Variants in CDH7 observed in about 807,000 individuals in gnomAD.
The protein encoded by CDH7 is cadherin-7.
A neutral mutation model predicts 71.8 loss-of-function variants in CDH7; 25 were observed. The ratio of observed to expected loss-of-function variants is 0.35; its 90% CI spans 0.25 to 0.49. The LOEUF is 0.49. CDH7 is among the 20% of genes least tolerant of loss of function. CDH7 has a pLI of 0.99. For synonymous variants in CDH7, 381 were observed against 363.8 expected (o/e 1.05, Z -0.54); for missense variants, 862 against 974.6 (o/e 0.88, Z 1.54).
rs1911469918 is a variant in CDH7, at chr18:65,809,929, A to G, written c.436A>G (p.Ile146Val). The change falls in exon 3 of 12, where the codon ATC becomes GTC. Residue 146 changes from isoleucine to valine, a missense_variant. Coordinates refer to ENST00000397968, the MANE Select transcript of CDH7 (RefSeq NM_004361.5). ...GGAGTTTGTCATCAAAATTCAGGAT[A>G]TCAACGACAATGAACCCAAATTTTT... Reference protein sequence around the residue: ...ESEFVIKIQDINDNEPKFLDG... With the variant: ...ESEFVIKIQDVNDNEPKFLDG... The G allele has an allele frequency of 3.7e-6, 6 of 1,614,108 alleles. No homozygotes were observed. Among genetic ancestry groups the G allele is most frequent in the Admixed American group, 1.7e-5 (1 of 60,018 alleles).
chr18:65,778,529 C>CTTTT (rs1156727313), intron 2 of CDH7, among the ~76,000 whole-genome samples: 15 of 84,328 alleles, frequency 1.8e-4, no homozygotes, highest in East Asian at 7.1e-4. Flanking sequence ...GCGTCTCACT[C>CTTTT]TTTTTTTTTT....
At position 65,809,773 on chromosome 18, in the gene CDH7, A is replaced by G. The variant is rs758837028; in HGVS notation, c.280A>G (p.Ile94Val). 9 of 1,613,904 alleles carry G rather than the reference A, an allele frequency of 5.6e-6. No individual in the cohort carries two copies. Among genetic ancestry groups the G allele is most frequent in the Non-Finnish European group, 7.6e-6 (9 of 1,179,956 alleles). ...YILSGEGASSIFIIDENTGDI... is the reference protein window; with the variant it reads ...YILSGEGASSVFIIDENTGDI... Reference sequence around the variant, plus strand: ...CTTGTCAGGCGAAGGGGCAAGTTCCATTTTCATTATTGATGAGAACACTGG... The same window carrying G: ...CTTGTCAGGCGAAGGGGCAAGTTCCGTTTTCATTATTGATGAGAACACTGG... Residue 94 changes from isoleucine to valine, a missense_variant, in exon 3 of 12, where the codon ATT becomes GTT. Ile to Val is a conservative substitution (Grantham distance 29, BLOSUM62 3). Coordinates refer to ENST00000397968, the MANE Select transcript of CDH7 (RefSeq NM_004361.5).
At chr18:65,789,830 A>T (rs964676093) in intron 2 of CDH7, among the ~76,000 whole-genome samples, 2 of 152,010 alleles carry the variant, frequency 1.3e-5, no homozygotes, top group East Asian at 3.9e-4. Flanking sequence ...CAGCAAGGGG[A>T]CCTCTCACAT....
rs752130311 is a variant in CDH7, at chr18:65,843,857, G to A, written c.1027G>A (p.Ala343Thr). The change falls in exon 7 of 12, where the codon GCT becomes ACT. Residue 343 changes from alanine to threonine, a missense_variant. Ala to Thr is a moderately conservative substitution (Grantham distance 58). Coordinates refer to ENST00000397968, the MANE Select transcript of CDH7 (RefSeq NM_004361.5). ...AACAAGTTACACGCTACGGATAGAAGCTGCAAATAAAGATGCCGACCCTCG... is the reference window on the plus strand; with the variant it reads ...AACAAGTTACACGCTACGGATAGAAACTGCAAATAAAGATGCCGACCCTCG... Reference protein sequence around the residue: ...AKTSYTLRIEAANKDADPRFL... With the variant: ...AKTSYTLRIETANKDADPRFL... The A allele has an allele frequency of 6.3e-7, 1 of 1,584,334 alleles. No homozygotes were observed. The highest frequency in any genetic ancestry group is 1.1e-5 in the South Asian group (1 of 88,250).
intron 7 of CDH7, among the ~76,000 whole-genome samples, chr18:65,857,387 G>A (rs1913404157): frequency 6.6e-6 from 1 of 150,406 alleles, no homozygotes; most frequent in Non-Finnish European, 1.5e-5. Context: ...GGTGGTGCAT[G>A]CCTCTAGTCC....
chr18:65,850,281 A>C (rs8089669), intron 7 of CDH7, among the ~76,000 whole-genome samples: 79,094 of 150,000 alleles, frequency 0.53, 24,697 homozygotes, highest in East Asian at 0.92. Flanking sequence ...CATGGGGTTA[A>C]AAAGTTAGGG....
intron 2 of CDH7, among the ~76,000 whole-genome samples, chr18:65,771,765 A>G (rs1326489888): frequency 1.3e-5 from 2 of 152,064 alleles, no homozygotes; most frequent in East Asian, 3.9e-4. Flanking sequence ...TGTAGTTCTC[A>G]GGCCAAGAGC....
At chr18:65,856,937 C>A (rs1216302447) in intron 7 of CDH7, among the ~76,000 whole-genome samples, 1 of 150,590 alleles carries the variant, frequency 6.6e-6, no homozygotes, top group East Asian at 2.0e-4. Context: ...CTTTTACATG[C>A]AAAAATAGCC....
At chr18:65,837,424 A>G (rs1211082933) in intron 6 of CDH7, among the ~76,000 whole-genome samples, 2 of 152,114 alleles carry the variant, frequency 1.3e-5, no homozygotes, top group Admixed American at 1.3e-4. Context: ...ATGACAGGGG[A>G]TAGTTTTACA....
At chr18:65,854,944 T>G (rs1363762801) in intron 7 of CDH7, among the ~76,000 whole-genome samples, 1 of 149,100 alleles carries the variant, frequency 6.7e-6, no homozygotes, top group Non-Finnish European at 1.5e-5. Flanking sequence ...CACACACATA[T>G]ATATACACAC....
At chr18:65,850,506 C>G (rs577795729) in intron 7 of CDH7, among the ~76,000 whole-genome samples, 1 of 151,678 alleles carries the variant, frequency 6.6e-6, no homozygotes, top group South Asian at 2.1e-4. Context: ...CTCTTCAGAA[C>G]GTGGCAACTG....
chr18:65,816,375 G>GC (rs1911725582), intron 4 of CDH7, among the ~76,000 whole-genome samples: 2 of 152,172 alleles, frequency 1.3e-5, no homozygotes. Context: ...CAGACCTAAA[G>GC]GGCATGGGGA....
chr18:65,847,534 A>G (rs1912975841), intron 7 of CDH7, among the ~76,000 whole-genome samples: 1 of 152,142 alleles, frequency 6.6e-6, no homozygotes, highest in Non-Finnish European at 1.5e-5. Flanking sequence ...CGAAATTGAT[A>G]TTGTCTTCCT....
chr18:65,829,258 C>T (rs1011556486), intron 6 of CDH7, among the ~76,000 whole-genome samples: 19 of 151,424 alleles, frequency 1.3e-4, no homozygotes, highest in Non-Finnish European at 2.4e-4. Context: ...CAGCTGGGAC[C>T]ACAGGCGCCC....
intron 7 of CDH7, among the ~76,000 whole-genome samples, chr18:65,847,750 C>T (rs1037356073): frequency 4.6e-5 from 7 of 152,196 alleles, no homozygotes; most frequent in Middle Eastern, 3.4e-3. Context: ...ACCCAAACCC[C>T]AGTAACTGGC....
At chr18:65,815,097 A>G (rs997608731) in intron 4 of CDH7, among the ~76,000 whole-genome samples, 19 of 151,964 alleles carry the variant, frequency 1.3e-4, no homozygotes, top group African/African-American at 4.6e-4. Context: ...AACTAAATAT[A>G]TATATTTTTT....
intron 2 of CDH7, among the ~76,000 whole-genome samples, chr18:65,785,291 T>G (rs942349601): frequency 6.6e-6 from 1 of 152,082 alleles, no homozygotes; most frequent in African/African-American, 2.4e-5. Context: ...ATATGACATA[T>G]AGTGTTCTGT....
intron 11 of CDH7, among the ~76,000 whole-genome samples, chr18:65,872,825 T>C (rs949107404): frequency 6.6e-6 from 1 of 151,736 alleles, no homozygotes; most frequent in African/African-American, 2.4e-5. Flanking sequence ...AGCCTAGGAG[T>C]TTGAGGCTGC....
At chr18:65,764,265 C>A (rs1279644460) in intron 2 of CDH7, among the ~76,000 whole-genome samples, 2 of 151,782 alleles carry the variant, frequency 1.3e-5, no homozygotes, top group African/African-American at 2.4e-5. Flanking sequence ...TTATTTATGT[C>A]TCTATATTTT....
Sources: gnomAD v4.1 joint callset for allele counts (sites outside exome capture counted in the v4.1 genomes callset) on GRCh38, gnomAD v4.1.1 for gene constraint, MANE v1.5 for transcripts, NCBI Gene and HGNC (gene_info 2026-07-23, HGNC 2026-07-21) for gene names.